Variants in LRP1B observed in about 807,000 individuals in gnomAD.
LRP1B encodes LDL receptor related protein 1B, also known as low-density lipoprotein receptor-related protein 1B.
Under a neutral mutation model 556.6 loss-of-function variants are expected in LRP1B, and 217 were observed. The ratio of observed to expected loss-of-function variants is 0.39; its 90% CI spans 0.35 to 0.44. The LOEUF (loss-of-function observed/expected upper bound fraction) is 0.44, where lower values mean the gene tolerates loss of function less well. LRP1B is among the 20% of genes least tolerant of loss of function. The pLI is 1.00. For missense variants in LRP1B, 5,053 were observed against 5,620.8 expected (o/e 0.90, Z 3.23); for synonymous variants, 2,047 against 1,865.8 (o/e 1.10, Z -2.50).
chr2:140,911,292 G>A (rs990301380), intron 21 of LRP1B, among the ~76,000 whole-genome samples: 1 of 151,688 alleles, frequency 6.6e-6, no homozygotes, highest in Non-Finnish European at 1.5e-5. Context: ...TCTTTCTGGA[G>A]GGATACACAA....
chr2:142,004,933 C>A (rs61504720), intron 1 of LRP1B, among the ~76,000 whole-genome samples: 77 of 151,462 alleles, frequency 5.1e-4, no homozygotes, highest in African/African-American at 1.8e-3. Flanking sequence ...GTACATTTTT[C>A]AACCTGCAAT....
chr2:140,948,415 A>G (rs991788674), intron 20 of LRP1B, among the ~76,000 whole-genome samples: 1 of 152,210 alleles, frequency 6.6e-6, no homozygotes, highest in African/African-American at 2.4e-5. Context: ...AATATTAATG[A>G]TAGGCAAAAA....
chr2:140,307,580 TTATATGGA>T (rs1684121855), intron 83 of LRP1B, among the ~76,000 whole-genome samples: 1 of 151,772 alleles, frequency 6.6e-6, no homozygotes, highest in Non-Finnish European at 1.5e-5. Flanking sequence ...ATATTTTCTA[TTATATGGA>T]TAAATAACTG....
At chr2:142,083,843 CACAA>C (rs1239135922) in intron 1 of LRP1B, among the ~76,000 whole-genome samples, 3 of 152,166 alleles carry the variant, frequency 2.0e-5, no homozygotes, top group East Asian at 1.9e-4. Flanking sequence ...GTTCTGCAAA[CACAA>C]ACAAGCAAAT....
At chr2:140,373,490 A>G (rs915778926) in intron 68 of LRP1B, among the ~76,000 whole-genome samples, 1 of 152,160 alleles carries the variant, frequency 6.6e-6, no homozygotes, top group Non-Finnish European at 1.5e-5. Context: ...CAAAAAACGG[A>G]TAAAAAAAAA....
intron 21 of LRP1B, among the ~76,000 whole-genome samples, chr2:140,921,000 T>C (rs1466918897): frequency 6.6e-6 from 1 of 151,992 alleles, no homozygotes; most frequent in Non-Finnish European, 1.5e-5. Flanking sequence ...CACAGGAAGT[T>C]GTTTTATAAG....
At chr2:140,812,678 C>G (rs1286824384) in intron 32 of LRP1B, among the ~76,000 whole-genome samples, 1 of 151,466 alleles carries the variant, frequency 6.6e-6, no homozygotes, top group East Asian at 1.9e-4. Context: ...AATTAAAAGG[C>G]ATAAATTTTT....
intron 2 of LRP1B, among the ~76,000 whole-genome samples, chr2:141,597,064 A>T (rs1687550833): frequency 6.6e-6 from 1 of 150,720 alleles, no homozygotes; most frequent in Non-Finnish European, 1.5e-5. Flanking sequence ...TTACACACAC[A>T]CACACACACA....
intron 1 of LRP1B, among the ~76,000 whole-genome samples, chr2:141,814,043 C>A (rs566494195): frequency 6.6e-6 from 1 of 152,032 alleles, no homozygotes. Flanking sequence ...AGGCTTGGCC[C>A]GCAACCAATT....
In LRP1B at chr2:140,648,240, G is replaced by A. The variant is rs200314977; in HGVS notation, c.6800-46601C>T. Among the ~76,000 whole-genome samples the A allele has an allele frequency of 5.3e-5, 8 of 152,046 alleles. No individual in the cohort carries two copies. The East Asian group carries it at 9.7e-4, about 18-fold the overall frequency. On this transcript the variant is annotated intron_variant, in intron 41 of 90. Transcript: ENST00000389484. ...CACTCATATGTGGGAAGTGAACAAT[G>A]AGAACACTTGGACACAGGGTGGGGA...
intron 32 of LRP1B, among the ~76,000 whole-genome samples, chr2:140,807,167 A>G (rs759653084): frequency 5.3e-5 from 8 of 152,224 alleles, no homozygotes; most frequent in African/African-American, 1.2e-4. Context: ...GTTGTGAGGA[A>G]AAAGATAAAT....
At chr2:141,356,331 GA>G (rs1440290609) in intron 3 of LRP1B, among the ~76,000 whole-genome samples, 12 of 152,114 alleles carry the variant, frequency 7.9e-5, no homozygotes, top group Non-Finnish European at 2.9e-5. Flanking sequence ...TCTGCTATAA[GA>G]AAGGTTGGGC....
intron 2 of LRP1B, among the ~76,000 whole-genome samples, chr2:141,572,136 C>T (rs900051982): frequency 6.6e-6 from 1 of 152,120 alleles, no homozygotes; most frequent in Non-Finnish European, 1.5e-5. Flanking sequence ...TCATCAGATT[C>T]TCCAAGGTCA....
intron 2 of LRP1B, among the ~76,000 whole-genome samples, chr2:141,498,525 C>T (rs1029561622): frequency 6.6e-6 from 1 of 151,776 alleles, no homozygotes; most frequent in Non-Finnish European, 1.5e-5. Flanking sequence ...AATAACTTTT[C>T]GCAATGGTAC....
intron 18 of LRP1B, among the ~76,000 whole-genome samples, chr2:140,970,154 G>A (rs1696368280): frequency 6.6e-6 from 1 of 152,080 alleles, no homozygotes; most frequent in Non-Finnish European, 1.5e-5. Context: ...TCACTTTCAG[G>A]TACACCAGTC....
chr2:141,401,390 T>C lies in LRP1B; in HGVS notation c.343+79006A>G, dbSNP rs117970937. On this transcript the variant is annotated intron_variant, in intron 3 of 90. Coordinates refer to ENST00000389484, the MANE Select transcript of LRP1B (RefSeq NM_018557.3). ...AATAGAATATTAGGGTATTGGAGAATACAATTTTTTAAATACATCACTAAC... is the reference window on the plus strand; with the variant it reads ...AATAGAATATTAGGGTATTGGAGAACACAATTTTTTAAATACATCACTAAC... 6.6e-4 allele frequency among the ~76,000 whole-genome samples: 100 copies of C among 152,268 alleles called. No individual in the cohort carries two copies. In the East Asian group the frequency reaches 0.016, roughly 25 times the overall value.
chr2:142,069,356 T>C (rs1379120804), intron 1 of LRP1B, among the ~76,000 whole-genome samples: 2 of 151,598 alleles, frequency 1.3e-5, no homozygotes, highest in Admixed American at 1.3e-4. Context: ...AATAAATCAC[T>C]GATAATTAAT....
chr2:140,911,778 T>G (rs59497958), intron 21 of LRP1B, among the ~76,000 whole-genome samples: 122,855 of 151,634 alleles, frequency 0.81, 50,120 homozygotes, highest in East Asian at 0.95. Context: ...AACTTCCTTT[T>G]TTTGTTTGTT....
intron 2 of LRP1B, among the ~76,000 whole-genome samples, chr2:141,692,021 C>A (rs1401802489): frequency 6.6e-6 from 1 of 152,000 alleles, no homozygotes; most frequent in African/African-American, 2.4e-5. Flanking sequence ...GACTCCTCAT[C>A]CCTTCCTTCA....
Sources: allele counts gnomAD v4.1 joint callset (sites outside exome capture counted in the v4.1 genomes callset), GRCh38; gene constraint gnomAD v4.1.1; transcripts MANE v1.5; gene names NCBI Gene and HGNC (gene_info 2026-07-23, HGNC 2026-07-21).